The following PCDH7 variants were observed in gnomAD, a reference collection of about 807,000 sequenced individuals.
PCDH7 encodes the protein protocadherin 7.
A neutral mutation model predicts 58.9 loss-of-function variants in PCDH7; 17 were observed. The ratio of observed to expected loss-of-function variants is 0.29; its 90% CI spans 0.20 to 0.43. The LOEUF (loss-of-function observed/expected upper bound fraction) is 0.43, where lower values mean the gene tolerates loss of function less well. PCDH7 is among the 20% of genes least tolerant of loss of function. PCDH7 has a pLI of 1.00. For synonymous variants in PCDH7, 664 were observed against 616.4 expected, an observed-to-expected ratio of 1.08 and a Z score of -1.14; for missense variants, 1,274 against 1,441.0, an observed-to-expected ratio of 0.88 and a Z score of 1.88.
At chr4:31,040,154 T>C (rs1455531426) in intron 3 of PCDH7, among the ~76,000 whole-genome samples, 1 of 152,228 alleles carries the variant, frequency 6.6e-6, no homozygotes, top group Non-Finnish European at 1.5e-5. Flanking sequence ...CTGCAGTGTG[T>C]CTTGACAACT....
Position 30,843,186 on chromosome 4 carries a change from G to A in PCDH7, c.71-76967G>A, listed in dbSNP as rs543980825. On this transcript the variant is annotated intron_variant, in intron 1 of 3. Coordinates refer to the PCDH7 transcript ENST00000509759. ...GACACTTCTTCACATTCCATCTTTC[G>A]AATATAGAACTTTATTATTTATTTA... is the stretch of plus-strand genomic sequence containing the variant. 8.0e-5 allele frequency among the ~76,000 whole-genome samples: 12 copies of A among 150,528 alleles called. 1 individual carries two copies. The South Asian group carries it at 2.5e-3, about 32-fold the overall frequency.
At chr4:30,843,954 A>T (rs1363700728) in intron 1 of PCDH7, among the ~76,000 whole-genome samples, 2 of 152,100 alleles carry the variant, frequency 1.3e-5, no homozygotes, top group Non-Finnish European at 2.9e-5. Flanking sequence ...AAGAAAAAAA[A>T]GTCATAGTAA....
Position 30,722,041 on chromosome 4 carries a change from C to T in PCDH7, c.619C>T (p.Pro207Ser). The T allele has an allele frequency of 4.1e-5, 51 of 1,241,646 alleles. No homozygotes were observed. Among genetic ancestry groups the T allele is most frequent in the Non-Finnish European group, 5.1e-5 (51 of 994,860 alleles). The allele number at this position is 1,241,646 out of a possible 1,614,324, so 76.9% of individuals were successfully genotyped here. ...CGGGGCGGCCGACAGCGCCCCCTAC[C>T]CCGGGGGCGGCGGGAACGGCGCGAG... is the stretch of plus-strand genomic sequence containing the variant. The change falls in exon 1 of 2, where the codon CCC becomes TCC. Residue 207 changes from proline (P) to serine (S), a missense_variant. This residue lies in a region of PCDH7 where 331 missense variants were observed against 303.2 expected (regional missense o/e 1.09). Transcript: ENST00000361762. This position sits in a 1 kb window ranked among gnomAD's most constrained non-coding sequence, Gnocchi z 7.6.
At chr4:30,792,568 A>G (rs573666345) in intron 1 of PCDH7, among the ~76,000 whole-genome samples, 1 of 152,234 alleles carries the variant, frequency 6.6e-6, no homozygotes, top group South Asian at 2.1e-4. Context: ...GGTGATTCAA[A>G]ATGAACGTCT....
At chr4:30,859,145 T>C (rs1459359268) in intron 1 of PCDH7, among the ~76,000 whole-genome samples, 2 of 152,322 alleles carry the variant, frequency 1.3e-5, no homozygotes, top group East Asian at 3.9e-4. Context: ...GTTTTTGTTA[T>C]ATTGTAGTGC....
At chr4:31,016,413 T>TTTTTA (rs1753603485) in intron 3 of PCDH7, among the ~76,000 whole-genome samples, 1 of 151,132 alleles carries the variant, frequency 6.6e-6, no homozygotes, top group Non-Finnish European at 1.5e-5. Flanking sequence ...TTTTTTTTTT[T>TTTTTA]GCAGAACATC....
At chr4:31,042,753 T>C (rs952044575) in intron 3 of PCDH7, among the ~76,000 whole-genome samples, 11 of 152,182 alleles carry the variant, frequency 7.2e-5, no homozygotes, top group Admixed American at 7.2e-4. Flanking sequence ...AGAGATTGTT[T>C]TCAGCAAAAT....
intron 1 of PCDH7, among the ~76,000 whole-genome samples, chr4:30,834,107 T>C (rs16884156): frequency 0.036 from 5,441 of 152,244 alleles, 237 homozygotes; most frequent in African/African-American, 0.1. Context: ...AGCTAAAACA[T>C]ATAACACCAT....
intron 3 of PCDH7, among the ~76,000 whole-genome samples, chr4:30,970,059 A>G (rs998054925): frequency 3.9e-5 from 6 of 152,182 alleles, no homozygotes; most frequent in African/African-American, 1.4e-4. Flanking sequence ...GCCTCACCCA[A>G]TGTGTTATCC....
chr4:30,722,212 G>T lies in PCDH7; in HGVS notation c.790G>T (p.Gly264Trp), dbSNP rs774529345. 3.8e-6 allele frequency: 6 copies of T among 1,587,172 alleles called. No homozygotes were observed. The Admixed American group carries it at 1.1e-4, about 28-fold the overall frequency. ...GAAGCAGCCGCAGCTGATCGTGAAG[G>T]GGGCGCTGGACCGCGAGCAGCGCGA... The change falls in exon 1 of 2, where the codon GGG (glycine) becomes TGG (tryptophan). Residue 264 changes from glycine to tryptophan, a missense_variant. By Grantham distance (184) the Gly-to-Trp change is radical (BLOSUM62 -2). This residue lies in a region of PCDH7 where 331 missense variants were observed against 303.2 expected (regional missense o/e 1.09). Transcript: ENST00000361762. The surrounding 1 kb of genome is among the most constrained non-coding windows in gnomAD (Gnocchi z 7.6).
At chr4:30,890,328 T>A (rs1264728121) in intron 1 of PCDH7, among the ~76,000 whole-genome samples, 1 of 151,974 alleles carries the variant, frequency 6.6e-6, no homozygotes, top group Admixed American at 6.6e-5. Flanking sequence ...GTTGAGGTGA[T>A]AGAAAAAATA....
rs755340880 is a variant in PCDH7 at position 30,902,240 on chromosome 4, C to T, written c.71-17913C>T. ...TTATCCACTGGAAAGGATGATCTTT[C>T]TATTGGTCAGTTGTTGCAGTATGTA... On this transcript the variant is annotated intron_variant, in intron 1 of 3. Coordinates refer to the PCDH7 transcript ENST00000509759. Among the ~76,000 whole-genome samples the T allele has an allele frequency of 1.2e-3, 177 of 152,258 alleles. 2 individuals are homozygous for T. Among genetic ancestry groups the T allele is most frequent in the Non-Finnish European group, 1.9e-3 (129 of 67,990 alleles).
At chr4:30,813,229 TA>T (rs1198909747) in intron 1 of PCDH7, among the ~76,000 whole-genome samples, 1 of 152,230 alleles carries the variant, frequency 6.6e-6, no homozygotes, top group African/African-American at 2.4e-5. Context: ...TATTAGCTTT[TA>T]AAACACATTT....
At chr4:31,102,673 C>CAA (rs765391662) in intron 3 of PCDH7, among the ~76,000 whole-genome samples, 2 of 96,198 alleles carry the variant, frequency 2.1e-5, no homozygotes, top group Non-Finnish European at 4.5e-5. Context: ...AACTCCATCT[C>CAA]AAAAAAAAAA....
At chr4:31,090,641 C>T (rs1312933243) in intron 3 of PCDH7, among the ~76,000 whole-genome samples, 1 of 151,982 alleles carries the variant, frequency 6.6e-6, no homozygotes, top group African/African-American at 2.4e-5. Context: ...TTCACTAATT[C>T]GGATATATAA....
chr4:31,126,425 G>T (rs1208917044), intron 3 of PCDH7, among the ~76,000 whole-genome samples: 1 of 152,126 alleles, frequency 6.6e-6, no homozygotes, highest in Non-Finnish European at 1.5e-5. Context: ...CTCTCAAGGT[G>T]CTGGGATTAC....
intron 1 of PCDH7, among the ~76,000 whole-genome samples, chr4:30,892,967 T>G (rs2109385556): frequency 6.6e-6 from 1 of 152,208 alleles, no homozygotes; most frequent in East Asian, 1.9e-4. Context: ...AGGCCACATT[T>G]CTTTCCACAA....
chr4:30,955,782 C>A (rs1747798059), intron 3 of PCDH7, among the ~76,000 whole-genome samples: 1 of 151,998 alleles, frequency 6.6e-6, no homozygotes, highest in South Asian at 2.1e-4. Context: ...CTCCTGATCT[C>A]AAGTGATCGT....
chr4:31,034,085 C>T (rs1487257540), intron 3 of PCDH7, among the ~76,000 whole-genome samples: 1 of 150,438 alleles, frequency 6.6e-6, no homozygotes. Context: ...CAGAGTGAGA[C>T]TCTGTCTCAA....
Sources: gnomAD v4.1 joint callset for allele counts (sites outside exome capture counted in the v4.1 genomes callset) on GRCh38, gnomAD v4.1.1 for gene constraint, gnomAD v4.1.1 regional missense constraint, Gnocchi (gnomAD v3.1) non-coding constraint, MANE v1.5 for transcripts, NCBI Gene and HGNC (gene_info 2026-07-23, HGNC 2026-07-21) for gene names.